TAF4: variants seen among roughly 807,000 people sequenced by gnomAD.
TAF4 encodes the protein transcription initiation factor TFIID subunit 4.
In TAF4, 9 loss-of-function variants were observed where a neutral mutation model predicts 90.3. The observed-to-expected ratio is 0.10, with a 90% CI of 0.06 to 0.17. TAF4 has a LOEUF of 0.17. Among genes scored for constraint, TAF4 ranks in the 10% least tolerant of loss-of-function variants. The pLI is 1.00. For synonymous variants in TAF4, 818 were observed against 638.9 expected (o/e 1.28, Z -4.23); for missense variants, 1,351 against 1,370.7 (o/e 0.99, Z 0.23).
chr20:62,056,129 C>T (rs998816576), intron 1 of TAF4, among the ~76,000 whole-genome samples: 2 of 152,022 alleles, frequency 1.3e-5, no homozygotes, highest in African/African-American at 2.4e-5. Context: ...CCCAGCTGCT[C>T]GGGAGGCTGA....
chr20:62,008,903 C>T (rs1792150776), intron 5 of TAF4, 149 bp downstream of exon 5: 4 of 1,082,732 alleles, frequency 3.7e-6, no homozygotes, highest in Admixed American at 5.3e-5. Context: ...GCCTTCGACA[C>T]GTGTGCACCC....
intron 1 of TAF4, among the ~76,000 whole-genome samples, chr20:62,048,328 G>C (rs1219047139): frequency 6.6e-6 from 1 of 152,162 alleles, no homozygotes; most frequent in Non-Finnish European, 1.5e-5. Flanking sequence ...GAAAGGATGG[G>C]AGTTGTCAAG....
At chr20:62,023,249 C>A (rs1330180467) in intron 1 of TAF4, among the ~76,000 whole-genome samples, 1 of 152,224 alleles carries the variant, frequency 6.6e-6, no homozygotes, top group African/African-American at 2.4e-5. Context: ...CGAGACCAGC[C>A]AGGCCAACAT....
chr20:62,006,860 C>G lies in TAF4; in HGVS notation c.1975-102G>C. 1 of 1,397,072 alleles carries G rather than the reference C, an allele frequency of 7.2e-7. No individual in the cohort carries two copies. The highest frequency in any genetic ancestry group is 9.4e-7 in the Non-Finnish European group (1 of 1,065,446). The allele number at this position is 1,397,072 out of a possible 1,614,324, so 86.5% of individuals were successfully genotyped here. A position where few individuals can be genotyped will look rare whatever the true frequency, so the allele number is the denominator to read the frequency against. ...TCAACTTTTACAGAAAGCTTTTGAG[C>G]TAAGTAAGATGGATCTTGGCCCTCA... On this transcript the variant is annotated intron_variant, in intron 6 of 14. Transcript: ENST00000252996. This position sits in a 1 kb window ranked among gnomAD's most constrained non-coding sequence, Gnocchi z 7.0.
At position 61,974,928 on chromosome 20, in the gene TAF4, G is replaced by GA. The variant is rs113277091; in HGVS notation, c.*1239dup. 1 of 152,288 alleles carries GA rather than the reference G, an allele frequency of 6.6e-6. No homozygotes were observed. Among genetic ancestry groups the GA allele is most frequent in the Non-Finnish European group, 1.5e-5 (1 of 67,978 alleles). The allele number at this position is 152,288 out of a possible 1,614,324, so 9.4% of individuals were successfully genotyped here. A position where few individuals can be genotyped will look rare whatever the true frequency, so the allele number is the denominator to read the frequency against. On this transcript the variant is annotated 3_prime_UTR_variant, in exon 15 of 15. Coordinates refer to ENST00000252996, the MANE Select transcript of TAF4 (RefSeq NM_003185.4). This position sits in a 1 kb window ranked among gnomAD's most constrained non-coding sequence, Gnocchi z 4.1. Reference sequence around the variant, plus strand: ...ACAAGTAACTGTGCAAAATTTACATGAAAAAATGGAAAGACAGGGATTTCC... The same window carrying GA: ...ACAAGTAACTGTGCAAAATTTACATGAAAAAAATGGAAAGACAGGGATTTCC...
intron 9 of TAF4, among the ~76,000 whole-genome samples, chr20:62,002,027 G>A (rs937357741): frequency 6.6e-6 from 1 of 152,196 alleles, no homozygotes; most frequent in Non-Finnish European, 1.5e-5. Context: ...CTGAAACCCA[G>A]GGGTTTGCGT....
chr20:62,039,053 G>C (rs1032828770), intron 1 of TAF4, among the ~76,000 whole-genome samples: 2 of 152,180 alleles, frequency 1.3e-5, no homozygotes, highest in African/African-American at 2.4e-5. Flanking sequence ...GAAAAATTCC[G>C]TCTCAAAACA....
chr20:62,065,287 C>T lies in TAF4; in HGVS notation c.524G>A (p.Gly175Glu). Reference protein sequence around the residue: ...ALAARAGPGPGPGPGPGPGPG... With the variant: ...ALAARAGPGPEPGPGPGPGPG... ...GCCGGGGCCGGGGCCGGGGCCGGGCCCGGGGCCGGGGCCGGCGCGGGCGGC... is the reference window on the plus strand; with the variant it reads ...GCCGGGGCCGGGGCCGGGGCCGGGCTCGGGGCCGGGGCCGGCGCGGGCGGC... The change falls in exon 1 of 15, where the codon GGG (glycine) becomes GAG (glutamate). Residue 175 changes from glycine to glutamate, a missense_variant. Transcript: ENST00000252996. 1 of 901,766 alleles carries T rather than the reference C, an allele frequency of 1.1e-6. No homozygotes were observed. Among genetic ancestry groups the T allele is most frequent in the Non-Finnish European group, 1.3e-6 (1 of 767,478 alleles). 55.9% of individuals were successfully genotyped at this position (901,766 alleles called of 1,614,324 possible).
chr20:62,062,621 C>T (rs1265186987), intron 1 of TAF4, among the ~76,000 whole-genome samples: 2 of 152,232 alleles, frequency 1.3e-5, no homozygotes, highest in Non-Finnish European at 2.9e-5. Context: ...ACAGTCAACA[C>T]TCCTACAGTT....
At chr20:62,053,619 T>C (rs756401125) in intron 1 of TAF4, among the ~76,000 whole-genome samples, 5 of 152,200 alleles carry the variant, frequency 3.3e-5, no homozygotes, top group Admixed American at 1.3e-4. Context: ...GCCAGCAAGC[T>C]GCCAGATCCA....
chr20:61,991,405 C>CA (rs1305698626), intron 14 of TAF4, among the ~76,000 whole-genome samples: 1 of 144,856 alleles, frequency 6.9e-6, no homozygotes, highest in Non-Finnish European at 1.5e-5. Flanking sequence ...GCCTGGGTGA[C>CA]AGAGGGAGAC....
chr20:62,016,654 T>A (rs2055813652), intron 1 of TAF4, among the ~76,000 whole-genome samples: 1 of 152,238 alleles, frequency 6.6e-6, no homozygotes, highest in Admixed American at 6.5e-5. Flanking sequence ...GCTTCCGGGC[T>A]CCTCAGGTGC....
intron 14 of TAF4, among the ~76,000 whole-genome samples, chr20:61,976,996 G>A (rs1470611236): frequency 1.3e-5 from 2 of 152,212 alleles, no homozygotes; most frequent in Non-Finnish European, 2.9e-5. Context: ...GAGCTCTGGC[G>A]GTTTCAGCTG....
chr20:62,009,207 T>C, intron 4 of TAF4, 33 bp from the exon 5 acceptor site: 1 of 1,579,426 alleles, frequency 6.3e-7, no homozygotes, highest in African/African-American at 1.4e-5. Flanking sequence ...AAGTGAAAAA[T>C]CTTAAAAGGC....
chr20:61,992,691 C>T (rs2055638728), intron 14 of TAF4, among the ~76,000 whole-genome samples: 1 of 152,190 alleles, frequency 6.6e-6, no homozygotes, highest in African/African-American at 2.4e-5. Flanking sequence ...AGCGAGTGGT[C>T]TTCAAACGCC....
chr20:62,009,027 G>A (rs1259047779), intron 5 of TAF4, 25 bp downstream of exon 5: 2 of 1,607,200 alleles, frequency 1.2e-6, no homozygotes, highest in African/African-American at 2.7e-5. Flanking sequence ...TAGGGGAAAG[G>A]GAATGTAAAG....
chr20:62,026,871 A>T (rs1568935993), intron 1 of TAF4, among the ~76,000 whole-genome samples: 1 of 152,180 alleles, frequency 6.6e-6, no homozygotes, highest in Admixed American at 6.5e-5. Context: ...CAGCCAACTC[A>T]GCATCCCCTC....
intron 14 of TAF4, among the ~76,000 whole-genome samples, chr20:61,996,528 T>C (rs2055663688): frequency 6.6e-6 from 1 of 152,070 alleles, no homozygotes; most frequent in South Asian, 2.1e-4. Context: ...AGGCCAGGCG[T>C]GGTGGCTCAT....
At chr20:62,063,819 C>G (rs987396479) in intron 1 of TAF4, among the ~76,000 whole-genome samples, 6 of 152,262 alleles carry the variant, frequency 3.9e-5, no homozygotes, top group Admixed American at 3.3e-4. Flanking sequence ...GGAGGACTCT[C>G]GCAGGATGCG....
Sources: allele counts gnomAD v4.1 joint callset (sites outside exome capture counted in the v4.1 genomes callset), GRCh38; gene constraint gnomAD v4.1.1; non-coding constraint Gnocchi (gnomAD v3.1); transcripts MANE v1.5; gene names NCBI Gene and HGNC (gene_info 2026-07-23, HGNC 2026-07-21).